The following BEND6 variants were observed in gnomAD, a reference collection of about 807,000 sequenced individuals.
The protein encoded by BEND6 is BEN domain-containing protein 6.
A neutral mutation model predicts 31.8 loss-of-function variants in BEND6; 24 were observed. The ratio of observed to expected loss-of-function variants is 0.75; its 90% CI spans 0.55 to 1.06. The LOEUF is 1.06. Among genes scored for constraint, BEND6 ranks in the 50% least tolerant of loss-of-function variants. The pLI, the probability that BEND6 is intolerant of heterozygous loss-of-function variation, is 0.00. For synonymous variants in BEND6, 109 were observed against 114.6 expected (o/e 0.95, Z 0.31); for missense variants, 294 against 327.4 (o/e 0.90, Z 0.79).
chr6:56,978,326 GT>G (rs199740027), intron 1 of BEND6, among the ~76,000 whole-genome samples: 6 of 151,490 alleles, frequency 4.0e-5, no homozygotes, highest in African/African-American at 4.8e-5. Flanking sequence ...AATGTGGAGG[GT>G]TTTTTTTGTA....
intron 3 of BEND6, among the ~76,000 whole-genome samples, chr6:57,001,113 T>C (rs1826923904): frequency 6.7e-6 from 1 of 149,880 alleles, no homozygotes; most frequent in South Asian, 2.1e-4. Flanking sequence ...CACCAAGACA[T>C]AGAGTCACCA....
intron 3 of BEND6, among the ~76,000 whole-genome samples, chr6:57,000,962 A>G (rs989160022): frequency 9.9e-5 from 15 of 151,354 alleles, no homozygotes; most frequent in Middle Eastern, 3.4e-3. Context: ...CACTATAGCC[A>G]CACTCCCTAG....
chr6:57,000,614 A>T (rs1242423412), intron 3 of BEND6, among the ~76,000 whole-genome samples: 1 of 149,908 alleles, frequency 6.7e-6, no homozygotes, highest in African/African-American at 2.5e-5. Context: ...AATAACAAGA[A>T]TCCAAAATAT....
intron 2 of BEND6, among the ~76,000 whole-genome samples, chr6:56,986,164 ACTT>A (rs1475014976): frequency 2.0e-5 from 3 of 152,142 alleles, no homozygotes; most frequent in Non-Finnish European, 4.4e-5. Flanking sequence ...CTATCTGCCT[ACTT>A]CTGATATTAG....
intron 2 of BEND6, among the ~76,000 whole-genome samples, chr6:56,989,221 T>C (rs1027209618): frequency 2.6e-5 from 4 of 150,988 alleles, no homozygotes; most frequent in African/African-American, 9.7e-5. Flanking sequence ...AAACTTTACA[T>C]AAAGTATACC....
intron 1 of BEND6, among the ~76,000 whole-genome samples, chr6:56,966,930 C>T (rs994116581): frequency 7.2e-5 from 11 of 152,138 alleles, no homozygotes; most frequent in African/African-American, 2.2e-4. Flanking sequence ...AACCCCTTTG[C>T]CACTGGAAAT....
intron 3 of BEND6, chr6:57,009,046 T>G (rs2127884021): frequency 6.6e-6 from 1 of 152,334 alleles, no homozygotes; most frequent in Middle Eastern, 3.4e-3. Context: ...ACACTGCATG[T>G]TCTCATTTGT....
intron 3 of BEND6, among the ~76,000 whole-genome samples, chr6:56,994,485 GGC>G (rs1826630595): frequency 4.1e-5 from 3 of 72,890 alleles, no homozygotes; most frequent in South Asian, 6.0e-4. Flanking sequence ...AAAAAAAAAA[GGC>G]ATTAATCTTG....
chr6:57,026,318 A>C lies in BEND6; in HGVS notation c.*246A>C, dbSNP rs1319488493. On this transcript the variant is annotated 3_prime_UTR_variant, in exon 7 of 7. Transcript: ENST00000370746. ...CAAACCAGAGAATTTCTGCCAGTCA[A>C]ATAAGCATGCAATATGGTTTCTTTG... The C allele has an allele frequency of 6.6e-6, 1 of 152,218 alleles. No homozygotes were observed. Among genetic ancestry groups the C allele is most frequent in the Non-Finnish European group, 1.5e-5 (1 of 68,044 alleles). The allele number at this position is 152,218 out of a possible 1,614,324, so 9.4% of individuals were successfully genotyped here. A position where few individuals can be genotyped will look rare whatever the true frequency, so the allele number is the denominator to read the frequency against.
rs150278495 is a variant in BEND6, at chr6:56,970,557, C to G, written c.-100-11154C>G. On this transcript the variant is annotated intron_variant, in intron 1 of 6. Transcript: ENST00000370746. ...CAACTATTAGAGAATTAATAAGATG[C>G]GTTCTTTTAGTAAGTAAATAAATAA... Among the ~76,000 whole-genome samples, 100 of 152,268 alleles carry G rather than the reference C, an allele frequency of 6.6e-4. 3 individuals are homozygous for G. In the South Asian group the frequency reaches 0.02, roughly 30 times the overall value.
At chr6:56,999,057 G>C (rs1181062379) in intron 3 of BEND6, among the ~76,000 whole-genome samples, 1 of 152,224 alleles carries the variant, frequency 6.6e-6, no homozygotes, top group Non-Finnish European at 1.5e-5. Context: ...ACAGGACCCA[G>C]GCAGGTGTCC....
intron 3 of BEND6, chr6:57,014,476 A>G (rs1414866474): frequency 1.1e-5 from 17 of 1,518,824 alleles, no homozygotes; most frequent in Non-Finnish European, 1.5e-5. Context: ...CAAACTAGAT[A>G]TAACAACAGA....
chr6:56,964,929 C>G lies in BEND6; in HGVS notation c.-101+9469C>G, dbSNP rs544579191. On this transcript the variant is annotated intron_variant, in intron 1 of 6. Coordinates refer to ENST00000370746, the MANE Select transcript of BEND6 (RefSeq NM_152731.3). ...GGCTTAAAGAGATTCATCCCATTTC[C>G]TTGAGCTTTCTTCTTTGATCAACAC... is the stretch of plus-strand genomic sequence containing the variant. Among the ~76,000 whole-genome samples the G allele has an allele frequency of 2.0e-5, 3 of 152,290 alleles. No homozygotes were observed. The East Asian group carries it at 5.8e-4, about 29-fold the overall frequency.
intron 3 of BEND6, among the ~76,000 whole-genome samples, chr6:56,996,659 C>A (rs185171744): frequency 2.6e-5 from 4 of 152,290 alleles, no homozygotes; most frequent in South Asian, 4.1e-4. Context: ...CTTCATTGTT[C>A]AAGTTCCTTA....
Position 56,981,887 on chromosome 6 carries a change from C to T in BEND6, c.77C>T (p.Thr26Ile), listed in dbSNP as rs1592986639. Residue 26 changes from threonine to isoleucine, a missense_variant, in exon 2 of 7, where the codon ACA becomes ATA. Physicochemically the swap from Thr to Ile is moderately conservative, Grantham distance 89. Transcript: ENST00000370746. ...FRKGKRKRTE[T>I]MDSENANSDM... ...AAAGGAAAGAGGAAAAGAACAGAGA[C>T]AATGGACTCAGAAAATGCAAATAGT... The T allele has an allele frequency of 6.2e-7, 1 of 1,612,770 alleles. No homozygotes were observed. Among genetic ancestry groups the T allele is most frequent in the East Asian group, 2.2e-5 (1 of 44,708 alleles).
chr6:56,999,327 A>G (rs1826840385), intron 3 of BEND6, among the ~76,000 whole-genome samples: 2 of 152,230 alleles, frequency 1.3e-5, no homozygotes, highest in South Asian at 2.1e-4. Flanking sequence ...CATTTGGAGC[A>G]CTTGCTCAGC....
intron 6 of BEND6, among the ~76,000 whole-genome samples, chr6:57,022,161 TTTC>T (rs1419403893): frequency 1.1e-4 from 15 of 142,752 alleles, no homozygotes; most frequent in African/African-American, 3.9e-4. Context: ...TTTTTTTCTT[TTTC>T]TTTTTTTTTT....
At chr6:57,022,939 C>T (rs575748999) in intron 6 of BEND6, among the ~76,000 whole-genome samples, 30 of 152,170 alleles carry the variant, frequency 2.0e-4, no homozygotes, top group African/African-American at 6.7e-4. Flanking sequence ...TTTTCTGAGA[C>T]CCTCAGGTTA....
At chr6:56,984,903 A>C (rs1023418355) in intron 2 of BEND6, among the ~76,000 whole-genome samples, 1 of 152,228 alleles carries the variant, frequency 6.6e-6, no homozygotes, top group African/African-American at 2.4e-5. Context: ...ACCTTCTGCT[A>C]TTTAGATATA....
Sources: allele counts gnomAD v4.1 joint callset (sites outside exome capture counted in the v4.1 genomes callset), GRCh38; gene constraint gnomAD v4.1.1; transcripts MANE v1.5; gene names NCBI Gene and HGNC (gene_info 2026-07-23, HGNC 2026-07-21).